FARP2: variants seen among roughly 807,000 people sequenced by gnomAD.
FARP2 encodes the protein FERM, ARHGEF and pleckstrin domain-containing protein 2.
In FARP2, 111 loss-of-function variants were observed where a neutral mutation model predicts 130.5. That is an observed-to-expected ratio of 0.85 (90% CI 0.73 to 1.00). FARP2 has a LOEUF of 1.00. Ranked by LOEUF, FARP2 falls within the 50% of genes least tolerant of loss-of-function variation. FARP2 has a pLI of 0.00. For missense variants in FARP2, 1,385 were observed against 1,346.3 expected, an observed-to-expected ratio of 1.03 and a Z score of -0.45; for synonymous variants, 504 against 516.9, an observed-to-expected ratio of 0.98 and a Z score of 0.34.
chr2:241,481,929 C>A (rs1447725072), intron 19 of FARP2, among the ~76,000 whole-genome samples: 2 of 152,132 alleles, frequency 1.3e-5, no homozygotes, highest in East Asian at 1.9e-4. Context: ...CAGCCCTGGG[C>A]CTTGCATGAA....
chr2:241,494,834 T>C lies in FARP2; in HGVS notation c.*709T>C, dbSNP rs1247752597. The C allele has an allele frequency of 6.6e-6, 1 of 152,164 alleles. No homozygotes were observed. The highest frequency in any genetic ancestry group is 1.5e-5 in the Non-Finnish European group (1 of 68,048). The allele number at this position is 152,164 out of a possible 1,614,324, so 9.4% of individuals were successfully genotyped here. A position where few individuals can be genotyped will look rare whatever the true frequency, so the allele number is the denominator to read the frequency against. Reference sequence around the variant, plus strand: ...TTTGATTAAAAATAAACAAACAGCATCTCCCCACCTGCATTCTCCTCTGCC... The same window carrying C: ...TTTGATTAAAAATAAACAAACAGCACCTCCCCACCTGCATTCTCCTCTGCC... On this transcript the variant is annotated 3_prime_UTR_variant, in exon 27 of 27. Coordinates refer to ENST00000264042, the MANE Select transcript of FARP2 (RefSeq NM_014808.4). The surrounding 1 kb of genome is among the most constrained non-coding windows in gnomAD (Gnocchi z 4.9).
intron 2 of FARP2, among the ~76,000 whole-genome samples, chr2:241,392,575 C>T (rs994555690): frequency 6.6e-6 from 1 of 152,162 alleles, no homozygotes; most frequent in Non-Finnish European, 1.5e-5. Context: ...CAGTTGGTCT[C>T]TTCAGTCTAG....
At position 241,361,090 on chromosome 2, in the gene FARP2, C is replaced by CCT. The variant is rs2061175909; in HGVS notation, c.-25+4702_-25+4703insCT. Among the ~76,000 whole-genome samples, 51 of 151,344 alleles carry CCT rather than the reference C, an allele frequency of 3.4e-4. 2 individuals carry two copies. In the South Asian group the frequency reaches 0.01, roughly 31 times the overall value. On this transcript the variant is annotated intron_variant, in intron 1 of 26. Coordinates refer to ENST00000264042, the MANE Select transcript of FARP2 (RefSeq NM_014808.4). ...TTGTACTGCTATATTGATTATTTTT[C>CCT]TGGTAACTGATCTATTCGCTTATAT...
At chr2:241,477,151 G>A (rs1179373225) in intron 19 of FARP2, among the ~76,000 whole-genome samples, 4 of 83,384 alleles carry the variant, frequency 4.8e-5, no homozygotes, top group African/African-American at 1.6e-4. Context: ...TTTTATTTGA[G>A]ACAGAGTCTT....
At chr2:241,443,117 CT>C in intron 13 of FARP2, 4 of 269,716 alleles carry the variant, frequency 1.5e-5, no homozygotes, top group South Asian at 3.8e-5. Flanking sequence ...AGACATTAGC[CT>C]TTTCTTCAGC....
Position 241,491,215 on chromosome 2 carries a change from C to G in FARP2, c.2623+36C>G, listed in dbSNP as rs375513405. On this transcript the variant is annotated intron_variant, in intron 23 of 26. Coordinates refer to ENST00000264042, the MANE Select transcript of FARP2 (RefSeq NM_014808.4). ...GCCACAACCCCCCAGGAGACCTCCA[C>G]TACACCTAAGGAGGCTTTTTTTGGA... 1.2e-5 allele frequency: 17 copies of G among 1,462,078 alleles called. No homozygotes were observed. In the African/African-American group the frequency reaches 2.1e-4, roughly 18 times the overall value. 90.6% of individuals were successfully genotyped at this position (1,462,078 alleles called of 1,614,324 possible).
intron 1 of FARP2, among the ~76,000 whole-genome samples, chr2:241,371,455 G>A (rs898264237): frequency 6.6e-6 from 1 of 152,238 alleles, no homozygotes; most frequent in African/African-American, 2.4e-5. Context: ...GTGCACTTCA[G>A]CCTGGGCAAC....
In FARP2 at chr2:241,491,609, A is replaced by C. The variant is rs368917173; in HGVS notation, c.2717A>C (p.Asn906Thr). Reference sequence around the variant, plus strand: ...GAGGGGCATGGCCAGCACCGGGCCAACACCACAATGCACGTGTGCTGGTAC... The same window carrying C: ...GAGGGGCATGGCCAGCACCGGGCCACCACCACAATGCACGTGTGCTGGTAC... ...SLEGHGQHRA[N>T]TTMHVCWYRN... The change falls in exon 24 of 27, where the codon AAC (asparagine) becomes ACC (threonine). Residue 906 changes from asparagine (N) to threonine (T), a missense_variant. Coordinates refer to ENST00000264042, the MANE Select transcript of FARP2 (RefSeq NM_014808.4). 2.5e-6 allele frequency: 4 copies of C among 1,613,670 alleles called. No homozygotes were observed. The African/African-American group carries it at 4.0e-5, about 16-fold the overall frequency.
At chr2:241,381,708 T>C (rs1240103570) in intron 2 of FARP2, among the ~76,000 whole-genome samples, 1 of 152,230 alleles carries the variant, frequency 6.6e-6, no homozygotes, top group Non-Finnish European at 1.5e-5. Flanking sequence ...ATTACAGTGA[T>C]CTCTGTTCTT....
intron 2 of FARP2, among the ~76,000 whole-genome samples, chr2:241,379,191 AC>A (rs1438631804): frequency 6.6e-6 from 1 of 152,232 alleles, no homozygotes; most frequent in Non-Finnish European, 1.5e-5. Context: ...GATGTCTAGA[AC>A]AATTATACTC....
At chr2:241,478,075 A>G (rs1211806178) in intron 19 of FARP2, 1 of 152,232 alleles carries the variant, frequency 6.6e-6, no homozygotes. Context: ...TTCATTTACA[A>G]CATGAAAGCT....
At chr2:241,394,005 T>C (rs1036190637) in intron 2 of FARP2, among the ~76,000 whole-genome samples, 1 of 152,172 alleles carries the variant, frequency 6.6e-6, no homozygotes, top group Non-Finnish European at 1.5e-5. Flanking sequence ...GGAAGCACAG[T>C]GTGATGGCGG....
At chr2:241,390,887 A>G (rs563011683) in intron 2 of FARP2, among the ~76,000 whole-genome samples, 1 of 152,186 alleles carries the variant, frequency 6.6e-6, no homozygotes, top group Non-Finnish European at 1.5e-5. Flanking sequence ...ATTTTTGCAA[A>G]TGAGGTTCAG....
chr2:241,385,999 T>A (rs2061775130), intron 2 of FARP2, among the ~76,000 whole-genome samples: 1 of 152,240 alleles, frequency 6.6e-6, no homozygotes, highest in Non-Finnish European at 1.5e-5. Context: ...TATGGTTATT[T>A]GTCCAAAGAT....
Position 241,364,027 on chromosome 2 carries a change from A to G in FARP2, c.-25+7639A>G, listed in dbSNP as rs570531540. 1.7e-4 allele frequency among the ~76,000 whole-genome samples: 26 copies of G among 152,340 alleles called. 1 individual carries two copies. The South Asian group carries it at 5.2e-3, about 30-fold the overall frequency. On this transcript the variant is annotated intron_variant, in intron 1 of 26. Coordinates refer to ENST00000264042, the MANE Select transcript of FARP2 (RefSeq NM_014808.4). ...TTGACCTCCTAGTGTTTATCCTGGG[A>G]GTATGTGACTGATTTGGCAAAAGCA... is the stretch of plus-strand genomic sequence containing the variant.
At position 241,402,836 on chromosome 2, in the gene FARP2, TTATATATATATATATATATATATA is replaced by T. The variant is rs1215612816; in HGVS notation, c.184-970_184-947del. Reference sequence around the variant, plus strand: ...GTGCACGCCACTACACCCAGCTAATTTATATATATATATATATATATATATATATATATATATATATATATTTTT... The same window carrying T: ...GTGCACGCCACTACACCCAGCTAATTTATATATATATATATATATATTTTT... On this transcript the variant is annotated intron_variant, in intron 2 of 26. Coordinates refer to ENST00000264042, the MANE Select transcript of FARP2 (RefSeq NM_014808.4). Among the ~76,000 whole-genome samples the T allele has an allele frequency of 7.1e-3, 119 of 16,828 alleles. 1 individual carries two copies. Among genetic ancestry groups the T allele is most frequent in the African/African-American group, 0.025 (105 of 4,214 alleles). The allele number at this position is 16,828 out of a possible 152,430, so 11.0% of individuals were successfully genotyped here. A position where few individuals can be genotyped will look rare whatever the true frequency, so the allele number is the denominator to read the frequency against.
At chr2:241,446,094 G>A (rs2063508038) in intron 13 of FARP2, 1 of 152,232 alleles carries the variant, frequency 6.6e-6, no homozygotes, top group African/African-American at 2.4e-5. Context: ...GGTACTTTAT[G>A]TAGGCCAATG....
intron 4 of FARP2, among the ~76,000 whole-genome samples, chr2:241,406,908 C>T (rs868039369): frequency 3.9e-5 from 6 of 152,018 alleles, no homozygotes; most frequent in Non-Finnish European, 7.4e-5. Flanking sequence ...CCCGGGTTCA[C>T]GCCATTGTCC....
chr2:241,439,779 T>TG (rs1388388638), intron 12 of FARP2, among the ~76,000 whole-genome samples: 1 of 152,034 alleles, frequency 6.6e-6, no homozygotes, highest in Non-Finnish European at 1.5e-5. Context: ...TTGGCCAACA[T>TG]GGTGAAACCC....
Sources: gnomAD v4.1 joint callset for allele counts (sites outside exome capture counted in the v4.1 genomes callset) on GRCh38, gnomAD v4.1.1 for gene constraint, Gnocchi (gnomAD v3.1) non-coding constraint, MANE v1.5 for transcripts, NCBI Gene and HGNC (gene_info 2026-07-23, HGNC 2026-07-21) for gene names.